The following NPEPPS variants were observed in gnomAD, a reference collection of about 807,000 sequenced individuals.
The protein encoded by NPEPPS is aminopeptidase puromycin sensitive, also known as puromycin-sensitive aminopeptidase.
NPEPPS carries 14 observed loss-of-function variants against 115.5 expected under a neutral mutation model. The ratio of observed to expected loss-of-function variants is 0.12; its 90% CI spans 0.08 to 0.19. The LOEUF (loss-of-function observed/expected upper bound fraction) is 0.19, where lower values mean the gene tolerates loss of function less well. Ranked by LOEUF, NPEPPS falls within the 10% of genes least tolerant of loss-of-function variation. The probability of loss-of-function intolerance (pLI) is 1.00; values close to 1 mark genes in which losing one functional copy is unlikely to be tolerated. For synonymous variants in NPEPPS, 285 were observed against 390.6 expected (o/e 0.73, Z 3.19); for missense variants, 523 against 1,110.8 (o/e 0.47, Z 7.52).
chr17:47,562,648 G>A (rs1332846134), intron 2 of NPEPPS, among the ~76,000 whole-genome samples: 2 of 151,442 alleles, frequency 1.3e-5, no homozygotes, highest in African/African-American at 4.8e-5. Context: ...GTGTGTGTTT[G>A]TAGAGGGCTA....
chr17:47,536,941 G>T (rs1245467302), intron 1 of NPEPPS, among the ~76,000 whole-genome samples: 1 of 151,550 alleles, frequency 6.6e-6, no homozygotes, highest in Admixed American at 6.6e-5. Context: ...TCAAACTCCT[G>T]ACCTCAGGTG....
At chr17:47,618,309 G>A in intron 19 of NPEPPS, 41 bp from the exon 20 acceptor site, 3 of 1,338,738 alleles carry the variant, frequency 2.2e-6, no homozygotes, top group Non-Finnish European at 2.1e-6. Context: ...GAACATCCAA[G>A]GGAGAGTTAA....
At chr17:47,568,194 C>T (rs1405686187) in intron 2 of NPEPPS, among the ~76,000 whole-genome samples, 4 of 148,998 alleles carry the variant, frequency 2.7e-5, no homozygotes, top group East Asian at 3.9e-4. Context: ...GACAGAGTCT[C>T]GCTCTGTCGC....
Position 47,605,331 on chromosome 17 carries a change from A to G in NPEPPS, c.1876-2A>G. The G allele has an allele frequency of 6.3e-7, 1 of 1,589,198 alleles. No homozygotes were observed. The highest frequency in any genetic ancestry group is 8.5e-7 in the Non-Finnish European group (1 of 1,169,768). ...GTTAATTTATGTTTTTTCCTATCCC[A>G]GGCTCGAGCTGGAATCATTAGCACT... is the stretch of plus-strand genomic sequence containing the variant. On this transcript the variant is annotated splice_acceptor_variant, in intron 16 of 22. Coordinates refer to ENST00000322157, the MANE Select transcript of NPEPPS (RefSeq NM_006310.4). LOFTEE classifies it high-confidence loss of function.
intron 17 of NPEPPS, among the ~76,000 whole-genome samples, chr17:47,606,744 A>AGCTTCTATGTCTTTTCTTCATTGATTC (rs150125921): frequency 0.99 from 150,413 of 152,148 alleles, 74,382 homozygotes; most frequent in Middle Eastern, 1. Flanking sequence ...AGCTGGTCCC[A>AGCTTCTATGTCTTTTCTTCATTGATTC]AACAAATATT....
chr17:47,609,483 G>A (rs1347467096), intron 17 of NPEPPS, among the ~76,000 whole-genome samples: 1 of 152,216 alleles, frequency 6.6e-6, no homozygotes, highest in Non-Finnish European at 1.5e-5. Flanking sequence ...CACACAGCGT[G>A]TTAGTACCAG....
intron 2 of NPEPPS, among the ~76,000 whole-genome samples, chr17:47,555,627 A>T (rs750762649): frequency 6.6e-6 from 1 of 151,866 alleles, no homozygotes. Context: ...GATTACAGGC[A>T]CAAGCCACCG....
intron 1 of NPEPPS, among the ~76,000 whole-genome samples, chr17:47,542,964 C>T (rs929848498): frequency 2.6e-5 from 4 of 151,790 alleles, no homozygotes; most frequent in Admixed American, 1.3e-4. Flanking sequence ...AGGTGAAACC[C>T]CATCTCTACT....
At chr17:47,603,532 T>A (rs1182301907) in intron 15 of NPEPPS, 1 of 158,064 alleles carries the variant, frequency 6.3e-6, no homozygotes, top group Non-Finnish European at 1.4e-5. Context: ...TTCCGTTCAG[T>A]CTCTGTGCTT....
intron 1 of NPEPPS, among the ~76,000 whole-genome samples, chr17:47,531,872 C>G (rs1409416935): frequency 2.0e-5 from 3 of 152,158 alleles, no homozygotes; most frequent in East Asian, 1.9e-4. Context: ...GGCTTTCCCC[C>G]CCGCCCCGGA....
intron 17 of NPEPPS, among the ~76,000 whole-genome samples, chr17:47,606,052 T>C (rs527345569): frequency 6.6e-6 from 1 of 152,122 alleles, no homozygotes; most frequent in East Asian, 1.9e-4. Flanking sequence ...TACTTTTATA[T>C]TTATAATAGA....
chr17:47,621,858 C>T lies in NPEPPS; in HGVS notation c.2698C>T (p.Arg900Ter). The T allele has an allele frequency of 6.2e-7, 1 of 1,613,864 alleles. No individual in the cohort carries two copies. The highest frequency in any genetic ancestry group is 8.5e-7 in the Non-Finnish European group (1 of 1,179,822). The part of the protein sequence containing the change: ...NILLNAAWLK[R>*]DAESIHQYLL... ...TCTGCTGAATGCTGCCTGGCTAAAGCGAGATGCTGAGAGCATCCACCAGTA... is the reference window on the plus strand; with the variant it reads ...TCTGCTGAATGCTGCCTGGCTAAAGTGAGATGCTGAGAGCATCCACCAGTA... Residue 900 changes from arginine (R) to a stop codon, truncating the protein, a stop_gained, in exon 23 of 23, where the codon CGA (arginine) becomes TGA (stop). Coordinates refer to ENST00000322157, the MANE Select transcript of NPEPPS (RefSeq NM_006310.4). LOFTEE classifies it high-confidence loss of function.
intron 2 of NPEPPS, among the ~76,000 whole-genome samples, chr17:47,547,619 A>G (rs1207547243): frequency 2.6e-5 from 4 of 152,100 alleles, no homozygotes; most frequent in Admixed American, 6.6e-5. Context: ...TCGGCCTTGC[A>G]GGTTGCTGGG....
chr17:47,572,208 A>T (rs1216646107), intron 3 of NPEPPS, among the ~76,000 whole-genome samples: 1 of 152,138 alleles, frequency 6.6e-6, no homozygotes, highest in Non-Finnish European at 1.5e-5. Flanking sequence ...TGAGCCCAGG[A>T]GTTGGAGACC....
chr17:47,613,563 G>A (rs1914008391), intron 18 of NPEPPS, 106 bp from the exon 19 acceptor site: 22 of 974,938 alleles, frequency 2.3e-5, no homozygotes, highest in Non-Finnish European at 3.0e-5. Flanking sequence ...CACCGCAGCC[G>A]GCCAACATTT....
At chr17:47,617,512 T>TA (rs386386184) in intron 19 of NPEPPS, among the ~76,000 whole-genome samples, 7 of 51,296 alleles carry the variant, frequency 1.4e-4, no homozygotes, top group African/African-American at 2.2e-4. Flanking sequence ...TATATATATA[T>TA]TTTTTAGGAT....
chr17:47,524,587 C>T (rs1437012215), intron 1 of NPEPPS, among the ~76,000 whole-genome samples: 3 of 151,686 alleles, frequency 2.0e-5, no homozygotes, highest in South Asian at 2.1e-4. Flanking sequence ...CTCTGCCTCC[C>T]GGGTTCACAC....
intron 3 of NPEPPS, among the ~76,000 whole-genome samples, chr17:47,570,051 GAAAAACAGGACAA>G (rs1911102658): frequency 1.3e-5 from 2 of 152,136 alleles, no homozygotes; most frequent in African/African-American, 4.8e-5. Context: ...AACAAGCCAA[GAAAAACAGGACAA>G]AAACTAAAGA....
chr17:47,530,909 G>C (rs1907691167), upstream of NPEPPS, among the ~76,000 whole-genome samples: 1 of 151,548 alleles, frequency 6.6e-6, no homozygotes, highest in African/African-American at 2.4e-5. Flanking sequence ...CTTCCAGTTG[G>C]AAGGCCGCCC....
Sources: gnomAD v4.1 joint callset for allele counts (sites outside exome capture counted in the v4.1 genomes callset) on GRCh38, gnomAD v4.1.1 for gene constraint, MANE v1.5 for transcripts, NCBI Gene and HGNC (gene_info 2026-07-23, HGNC 2026-07-21) for gene names.